The following FHIT variants were observed in gnomAD, a reference collection of about 807,000 sequenced individuals.
The protein encoded by FHIT is fragile histidine triad diadenosine triphosphatase, also known as bis(5'-adenosyl)-triphosphatase.
In FHIT, 19 loss-of-function variants were observed where a neutral mutation model predicts 17.9. The ratio of observed to expected loss-of-function variants is 1.06; its 90% CI spans 0.74 to 1.56. The LOEUF (loss-of-function observed/expected upper bound fraction) is 1.56, where lower values mean the gene tolerates loss of function less well. FHIT is among the 40% of genes most tolerant of loss of function. The pLI, the probability that FHIT is intolerant of heterozygous loss-of-function variation, is 0.00. For synonymous variants in FHIT, 81 were observed against 69.7 expected, an observed-to-expected ratio of 1.16 and a Z score of -0.81; for missense variants, 248 against 189.2, an observed-to-expected ratio of 1.31 and a Z score of -1.82.
At chr3:60,242,162 A>G (rs751506786) in intron 5 of FHIT, among the ~76,000 whole-genome samples, 1 of 152,152 alleles carries the variant, frequency 6.6e-6, no homozygotes, top group Non-Finnish European at 1.5e-5. Flanking sequence ...TCCAGTATGA[A>G]TAAGAATGTA....
chr3:60,504,173 C>T (rs1309460334), intron 5 of FHIT, among the ~76,000 whole-genome samples: 2 of 152,324 alleles, frequency 1.3e-5, no homozygotes, highest in East Asian at 1.9e-4. Context: ...GCGTGCCTCA[C>T]GCCTGTAATC....
At chr3:60,259,779 T>C (rs1011786239) in intron 5 of FHIT, among the ~76,000 whole-genome samples, 4 of 151,990 alleles carry the variant, frequency 2.6e-5, no homozygotes, top group African/African-American at 9.7e-5. Flanking sequence ...GCTGTTACCA[T>C]GGGTTTTCTA....
intron 7 of FHIT, among the ~76,000 whole-genome samples, chr3:60,010,033 T>C (rs766704294): frequency 2.0e-5 from 3 of 152,230 alleles, no homozygotes; most frequent in Non-Finnish European, 2.9e-5. Context: ...CTCTACAGTA[T>C]CGCTTTCAAT....
chr3:60,001,422 G>T (rs1028564992), intron 7 of FHIT, among the ~76,000 whole-genome samples: 1 of 152,138 alleles, frequency 6.6e-6, no homozygotes, highest in African/African-American at 2.4e-5. Flanking sequence ...ACGATATCTG[G>T]CACATAGTAG....
At chr3:60,138,080 C>T (rs190862136) in intron 5 of FHIT, among the ~76,000 whole-genome samples, 8 of 152,306 alleles carry the variant, frequency 5.3e-5, no homozygotes, top group Admixed American at 5.2e-4. Flanking sequence ...CTGAAGTTTA[C>T]TTCACAATCT....
At chr3:60,746,689 T>C (rs913969716) in intron 4 of FHIT, among the ~76,000 whole-genome samples, 7 of 152,104 alleles carry the variant, frequency 4.6e-5, no homozygotes, top group Admixed American at 2.0e-4. Context: ...GGAGATAAAA[T>C]GTTTTCTGTT....
chr3:60,458,790 T>C (rs1165768212), intron 5 of FHIT, among the ~76,000 whole-genome samples: 1 of 152,074 alleles, frequency 6.6e-6, no homozygotes, highest in Non-Finnish European at 1.5e-5. Flanking sequence ...TATATATTTT[T>C]AAAGACATGG....
At chr3:59,855,130 T>G (rs1007300000) in intron 8 of FHIT, among the ~76,000 whole-genome samples, 2 of 152,214 alleles carry the variant, frequency 1.3e-5, no homozygotes, top group African/African-American at 4.8e-5. Context: ...AGGGTTCTTT[T>G]GAGGATACAG....
chr3:60,536,815 AG>A, intron 5 of FHIT, 44 bp downstream of exon 5: 1 of 1,559,260 alleles, frequency 6.4e-7, no homozygotes, highest in Non-Finnish European at 8.6e-7. Context: ...GGTTAGGCTC[AG>A]AAGACTTTTA....
intron 3 of FHIT, among the ~76,000 whole-genome samples, chr3:60,938,782 C>T (rs1708294280): frequency 6.6e-6 from 1 of 152,162 alleles, no homozygotes; most frequent in South Asian, 2.1e-4. Flanking sequence ...CACAGGAGGT[C>T]CCGTCCCCTC....
In FHIT at chr3:60,187,900, A is replaced by C. The variant is rs188200869; in HGVS notation, c.104-173748T>G. Among the ~76,000 whole-genome samples, 3 of 152,250 alleles carry C rather than the reference A, an allele frequency of 2.0e-5. No homozygotes were observed. The East Asian group carries it at 5.8e-4, about 29-fold the overall frequency. On this transcript the variant is annotated intron_variant, in intron 5 of 9. Transcript: ENST00000492590. ...AAAATTGTGCTTTTAAAAAATTACA[A>C]TTCTACCTATTTATGTGGGGATTTT...
chr3:60,475,467 A>T (rs1289844584), intron 5 of FHIT, among the ~76,000 whole-genome samples: 1 of 152,228 alleles, frequency 6.6e-6, no homozygotes, highest in Non-Finnish European at 1.5e-5. Context: ...AGAGAAACTC[A>T]TACTGGCAAA....
At chr3:60,059,085 A>G (rs1214179846) in intron 5 of FHIT, among the ~76,000 whole-genome samples, 1 of 152,212 alleles carries the variant, frequency 6.6e-6, no homozygotes, top group Non-Finnish European at 1.5e-5. Flanking sequence ...CACCCCCACC[A>G]GGAAAGCCAC....
intron 4 of FHIT, among the ~76,000 whole-genome samples, chr3:60,755,883 G>A (rs1193308312): frequency 6.6e-6 from 1 of 152,160 alleles, no homozygotes; most frequent in African/African-American, 2.4e-5. Context: ...GAACTGATTT[G>A]AATCATTTAA....
chr3:59,777,146 G>C (rs186436709), intron 8 of FHIT, among the ~76,000 whole-genome samples: 1 of 152,032 alleles, frequency 6.6e-6, no homozygotes, highest in Non-Finnish European at 1.5e-5. Context: ...ATCCACCTTC[G>C]AAATGTCAGG....
chr3:59,793,073 C>G (rs1176727381), intron 8 of FHIT, among the ~76,000 whole-genome samples: 2 of 152,072 alleles, frequency 1.3e-5, no homozygotes, highest in Non-Finnish European at 2.9e-5. Flanking sequence ...ATTTTCTTTA[C>G]CTTGCTTAGC....
intron 8 of FHIT, among the ~76,000 whole-genome samples, chr3:59,914,751 T>A (rs961387165): frequency 6.6e-6 from 1 of 152,150 alleles, no homozygotes; most frequent in South Asian, 2.1e-4. Flanking sequence ...AATGCTTAAT[T>A]CATATCTGTT....
chr3:60,326,658 G>A (rs1242797930), intron 5 of FHIT, among the ~76,000 whole-genome samples: 1 of 152,156 alleles, frequency 6.6e-6, no homozygotes, highest in Admixed American at 6.5e-5. Flanking sequence ...CTTTCCCAGA[G>A]TGAATGGTAA....
At chr3:60,779,204 C>T (rs1478863692) in intron 4 of FHIT, among the ~76,000 whole-genome samples, 1 of 152,124 alleles carries the variant, frequency 6.6e-6, no homozygotes, top group Non-Finnish European at 1.5e-5. Flanking sequence ...ATTTTTTTAA[C>T]AAAAATGAGG....
Sources: allele counts gnomAD v4.1 joint callset (sites outside exome capture counted in the v4.1 genomes callset), GRCh38; gene constraint gnomAD v4.1.1; transcripts MANE v1.5; gene names NCBI Gene and HGNC (gene_info 2026-07-23, HGNC 2026-07-21).